The following ACYP2 variants were observed in gnomAD, a reference collection of about 807,000 sequenced individuals.
The protein encoded by ACYP2 is acylphosphatase-2.
A neutral mutation model predicts 11.2 loss-of-function variants in ACYP2; 12 were observed. That is an observed-to-expected ratio of 1.08 (90% CI 0.69 to 1.74). ACYP2 has a LOEUF of 1.74. Ranked by LOEUF, ACYP2 falls within the 40% of genes most tolerant of loss-of-function variation. The pLI, the probability that ACYP2 is intolerant of heterozygous loss-of-function variation, is 0.00. For missense variants in ACYP2, 134 were observed against 101.9 expected (o/e 1.31, Z -1.35); for synonymous variants, 43 against 32.2 (o/e 1.33, Z -1.13).
intron 4 of ACYP2, among the ~76,000 whole-genome samples, chr2:54,091,547 T>A (rs984316330): frequency 2.0e-5 from 3 of 151,224 alleles, no homozygotes; most frequent in African/African-American, 7.3e-5. Flanking sequence ...AGAGTCTCAC[T>A]CTGTCACCCA....
intron 6 of ACYP2, among the ~76,000 whole-genome samples, chr2:54,246,685 A>G (rs1686968861): frequency 6.6e-6 from 1 of 151,818 alleles, no homozygotes; most frequent in Non-Finnish European, 1.5e-5. Flanking sequence ...TTATACCTCT[A>G]GTTTCTTTCT....
intron 6 of ACYP2, among the ~76,000 whole-genome samples, chr2:54,209,750 G>A (rs1019613932): frequency 6.6e-6 from 1 of 152,110 alleles, no homozygotes; most frequent in South Asian, 2.1e-4. Context: ...CACCATTTCT[G>A]GCCATCTTCA....
intron 6 of ACYP2, among the ~76,000 whole-genome samples, chr2:54,295,069 G>A (rs949503161): frequency 6.6e-6 from 1 of 152,168 alleles, no homozygotes; most frequent in Non-Finnish European, 1.5e-5. Flanking sequence ...GAAGCTGATG[G>A]CATGTCATAT....
chr2:54,068,675 T>C (rs949137093), intron 4 of ACYP2, among the ~76,000 whole-genome samples: 2 of 152,176 alleles, frequency 1.3e-5, no homozygotes, highest in South Asian at 4.1e-4. Flanking sequence ...TTTTTGTTTT[T>C]GCTAAAGGTA....
chr2:53,988,528 G>A (rs1213374996), intron 2 of ACYP2, among the ~76,000 whole-genome samples: 1 of 151,790 alleles, frequency 6.6e-6, no homozygotes, highest in Non-Finnish European at 1.5e-5. Flanking sequence ...AGCCTCCCGA[G>A]AAGCTGGGAC....
chr2:54,192,960 C>T (rs1046996856), intron 6 of ACYP2, among the ~76,000 whole-genome samples: 2 of 152,138 alleles, frequency 1.3e-5, no homozygotes, highest in Non-Finnish European at 2.9e-5. Flanking sequence ...CTACCCTTGA[C>T]GTGGGGATTA....
At chr2:54,004,894 C>CAAAAA (rs754230632) in intron 2 of ACYP2, among the ~76,000 whole-genome samples, 3 of 31,908 alleles carry the variant, frequency 9.4e-5, no homozygotes, top group African/African-American at 3.2e-4. Context: ...GACTCTGTCT[C>CAAAAA]AAAAAAAAAA....
intron 6 of ACYP2, among the ~76,000 whole-genome samples, chr2:54,148,498 C>A (rs1245389085): frequency 6.6e-6 from 1 of 151,998 alleles, no homozygotes; most frequent in Non-Finnish European, 1.5e-5. Context: ...ATGTTATGAC[C>A]CATATGCTCC....
chr2:54,061,752 C>A (rs1676480272), intron 4 of ACYP2, among the ~76,000 whole-genome samples: 1 of 152,118 alleles, frequency 6.6e-6, no homozygotes, highest in Non-Finnish European at 1.5e-5. Context: ...CATTTATTTT[C>A]TTATAATTCT....
intron 4 of ACYP2, among the ~76,000 whole-genome samples, chr2:54,067,117 G>A (rs1303622554): frequency 1.3e-5 from 2 of 152,196 alleles, no homozygotes; most frequent in Non-Finnish European, 2.9e-5. Context: ...TTTATAAGCT[G>A]TAAAGCATTA....
intron 6 of ACYP2, among the ~76,000 whole-genome samples, chr2:54,200,071 C>T (rs368092673): frequency 2.6e-5 from 4 of 152,146 alleles, no homozygotes; most frequent in African/African-American, 9.7e-5. Context: ...GAAAGGATAT[C>T]TTTATACAGC....
chr2:54,122,434 C>A (rs1030021788), intron 4 of ACYP2, among the ~76,000 whole-genome samples: 6 of 152,158 alleles, frequency 3.9e-5, no homozygotes, highest in Admixed American at 6.5e-5. Context: ...ATGTCTGCCC[C>A]AGTTTCCAGA....
chr2:54,190,777 A>C (rs1462775160), intron 6 of ACYP2, among the ~76,000 whole-genome samples: 1 of 152,114 alleles, frequency 6.6e-6, no homozygotes, highest in Non-Finnish European at 1.5e-5. Context: ...CCAGAGTCAC[A>C]TGTCAAGCTG....
chr2:53,991,671 T>C (rs1360326729), intron 2 of ACYP2, among the ~76,000 whole-genome samples: 2 of 152,238 alleles, frequency 1.3e-5, no homozygotes, highest in South Asian at 2.1e-4. Flanking sequence ...TCCCAAAGTG[T>C]TGGGGTTACA....
chr2:54,029,445 A>G lies in ACYP2; in HGVS notation c.63-21513A>G, dbSNP rs527870905. 1.2e-3 allele frequency: 320 copies of G among 264,192 alleles called. 6 individuals carry two copies. The South Asian group carries it at 0.014, about 12-fold the overall frequency. The allele number at this position is 264,192 out of a possible 1,614,324, so 16.4% of individuals were successfully genotyped here. ...CATATATATACACACATATGTATAT[A>G]TGTATATGTACACACACATATATGT... On this transcript the variant is annotated intron_variant, in intron 2 of 6. Coordinates refer to ENST00000607452, the MANE Select transcript of ACYP2 (RefSeq NM_001320586.2).
At chr2:54,233,658 T>C (rs1455783022) in intron 6 of ACYP2, among the ~76,000 whole-genome samples, 1 of 152,110 alleles carries the variant, frequency 6.6e-6, no homozygotes, top group African/African-American at 2.4e-5. Context: ...CCTTCCCTCC[T>C]ACCCCTGCTC....
chr2:54,117,555 A>T (rs1679884068), intron 4 of ACYP2, among the ~76,000 whole-genome samples: 1 of 152,194 alleles, frequency 6.6e-6, no homozygotes, highest in South Asian at 2.1e-4. Flanking sequence ...TCGCCTCCCA[A>T]AGTGATGGGA....
chr2:54,029,928 C>T, intron 2 of ACYP2: 1 of 279,324 alleles, frequency 3.6e-6, no homozygotes, highest in South Asian at 5.1e-5. Context: ...TAATGAGAAG[C>T]AGACAAACTA....
intron 6 of ACYP2, chr2:54,255,934 A>G (rs561567364): frequency 6.2e-7 from 1 of 1,614,042 alleles, no homozygotes; most frequent in Non-Finnish European, 8.5e-7. Flanking sequence ...ATCGACCAAG[A>G]TGTGGAAAGT....
Sources: gnomAD v4.1 joint callset for allele counts (sites outside exome capture counted in the v4.1 genomes callset) on GRCh38, gnomAD v4.1.1 for gene constraint, MANE v1.5 for transcripts, NCBI Gene and HGNC (gene_info 2026-07-23, HGNC 2026-07-21) for gene names.